Variants in RPS29 observed in about 807,000 individuals in gnomAD.
RPS29 encodes ribosomal protein S29, also known as small ribosomal subunit protein uS14.
For synonymous variants in RPS29, 37 were observed against 26.9 expected (o/e 1.37, Z -1.16); for missense variants, 60 against 75.7 (o/e 0.79, Z 0.77).
downstream of RPS29, among the ~76,000 whole-genome samples, chr14:49,582,568 G>A (rs1881371615): frequency 6.6e-6 from 1 of 152,158 alleles, no homozygotes; most frequent in Non-Finnish European, 1.5e-5. Flanking sequence ...AAATTCAATT[G>A]AGAAGTTTTC....
At chr14:49,581,210 A>G (rs758051027), downstream of RPS29, among the ~76,000 whole-genome samples, 7 of 152,138 alleles carry the variant, frequency 4.6e-5, no homozygotes, top group Non-Finnish European at 1.0e-4. Flanking sequence ...AGAAAAAAAA[A>G]TTGGCAAAGA....
In RPS29 at chr14:49,592,598, G is replaced by A. The variant is rs118088507; in HGVS notation, c.-133+5802C>T. Among the ~76,000 whole-genome samples the A allele has an allele frequency of 2.9e-3, 427 of 149,076 alleles. 6 individuals carry two copies. The East Asian group carries it at 0.036, about 13-fold the overall frequency. ...GTCAGGCTGGTCTTGAACCCCCGCC[G>A]GCCAAAAGTCTATGTATTAAAATTA... On this transcript the variant is annotated intron_variant, in intron 1 of 3. Transcript: ENST00000556230.
chr14:49,577,744 G>T, exon 3 of RPS29: 3 of 1,212,854 alleles, frequency 2.5e-6, no homozygotes, highest in African/African-American at 1.5e-5. Flanking sequence ...CAGTGAACTT[G>T]GTGCTCTTTT....
chr14:49,595,548 A>G (rs756116525), intron 1 of RPS29, among the ~76,000 whole-genome samples: 6 of 152,160 alleles, frequency 3.9e-5, no homozygotes, highest in Non-Finnish European at 8.8e-5. Flanking sequence ...TTGAGGTTGC[A>G]GTGAGCTATG....
rs200498992 is a variant in RPS29 at position 49,586,073 on chromosome 14, T to C, written c.63-24A>G. 6 of 1,599,230 alleles carry C rather than the reference T, an allele frequency of 3.8e-6. No individual in the cohort carries two copies. The Admixed American group carries it at 1.0e-4, about 27-fold the overall frequency. Reference sequence around the variant, plus strand: ...GACTGTAAGAAAAGAGACAGCGGTTTTGCAGGTCATAGAAATTACAAGACT... The same window carrying C: ...GACTGTAAGAAAAGAGACAGCGGTTCTGCAGGTCATAGAAATTACAAGACT... On this transcript the variant is annotated intron_variant, in intron 1 of 2. Transcript: ENST00000245458.
intron 1 of RPS29, among the ~76,000 whole-genome samples, chr14:49,591,626 T>TA (rs908005432): frequency 3.4e-5 from 5 of 146,536 alleles, no homozygotes; most frequent in African/African-American, 1.3e-4. Flanking sequence ...TTGATTTTTT[T>TA]TTTTTTTTTT....
At chr14:49,584,282 C>T (rs1327762694) in intron 2 of RPS29, among the ~76,000 whole-genome samples, 1 of 152,224 alleles carries the variant, frequency 6.6e-6, no homozygotes, top group Non-Finnish European at 1.5e-5. Context: ...TGGCCCAGTT[C>T]ATCTAGGACA....
intron 1 of RPS29, 35 bp downstream of exon 1, chr14:49,586,250 G>A (rs1403358784): frequency 1.9e-6 from 3 of 1,604,378 alleles, no homozygotes; most frequent in Admixed American, 1.7e-5. Context: ...GCGCTCCACG[G>A]CAACGCTTCC....
chr14:49,595,811 G>C (rs1409116696), intron 1 of RPS29, among the ~76,000 whole-genome samples: 1 of 152,110 alleles, frequency 6.6e-6, no homozygotes, highest in Non-Finnish European at 1.5e-5. Flanking sequence ...TCAGGAGTTC[G>C]AGACCAGCCT....
intron 2 of RPS29, chr14:49,585,727 G>A (rs1019463805): frequency 1.9e-6 from 1 of 536,278 alleles, no homozygotes; most frequent in Non-Finnish European, 3.3e-6. Flanking sequence ...GTAAAAAAGG[G>A]AGTAGGAAAG....
At chr14:49,582,294 C>G (rs1477561169), downstream of RPS29, among the ~76,000 whole-genome samples, 1 of 152,122 alleles carries the variant, frequency 6.6e-6, no homozygotes, top group Non-Finnish European at 1.5e-5. Context: ...GGATTCTCAT[C>G]TCACAATATC....
chr14:49,582,032 A>C (rs1362513046), downstream of RPS29, among the ~76,000 whole-genome samples: 3 of 136,950 alleles, frequency 2.2e-5, no homozygotes, highest in African/African-American at 7.7e-5. Flanking sequence ...AAAAAAAAAA[A>C]AACTTAGTGA....
intron 1 of RPS29, chr14:49,592,447 A>G (rs1281123124): frequency 6.9e-6 from 1 of 145,468 alleles, no homozygotes; most frequent in Non-Finnish European, 1.5e-5. Context: ...GCCTCACCTC[A>G]ACCTCTGTCT....
exon 3 of RPS29, chr14:49,573,697 T>C (rs1227952029): frequency 6.6e-6 from 1 of 152,222 alleles, no homozygotes; most frequent in Non-Finnish European, 1.5e-5. Flanking sequence ...GAGTGGACCA[T>C]CTTTATCTTT....
At position 49,585,955 on chromosome 14, in the gene RPS29, T is replaced by C. The variant is rs780291473; in HGVS notation, c.157A>G (p.Ile53Val). ...FRQYAKDIGF[I>V]KLD ...GTACGCCTGCAGACGCCTACCTTAA[T>C]GAAACCGATATCCTTCGCGTACTGA... is the stretch of plus-strand genomic sequence containing the variant. Residue 53 changes from isoleucine (I) to valine (V), a missense_variant, in exon 2 of 3, where the codon ATT (isoleucine) becomes GTT (valine). Transcript: ENST00000245458. 19 of 1,613,032 alleles carry C rather than the reference T, an allele frequency of 1.2e-5. No homozygotes were observed. In the Admixed American group the frequency reaches 2.5e-4, roughly 21 times the overall value.
chr14:49,579,193 G>T (rs1469995587), downstream of RPS29, among the ~76,000 whole-genome samples: 1 of 152,130 alleles, frequency 6.6e-6, no homozygotes, highest in Non-Finnish European at 1.5e-5. Flanking sequence ...GCCCAAGAAA[G>T]CTCATTTGCC....
chr14:49,586,585 G>A (rs1030773670), upstream of RPS29: 5 of 537,622 alleles, frequency 9.3e-6, no homozygotes, highest in Non-Finnish European at 1.3e-5. Context: ...CGACCGCCGG[G>A]CGCGGTGGCG....
At chr14:49,585,319 G>A (rs906697863) in intron 2 of RPS29, 1 of 149,252 alleles carries the variant, frequency 6.7e-6, no homozygotes, top group Non-Finnish European at 1.5e-5. Context: ...ACTGAGCGGA[G>A]ATCACGCCAT....
chr14:49,585,974 G>A lies in RPS29; in HGVS notation c.138C>T (p.Tyr46=). The A allele has an allele frequency of 1.9e-6, 3 of 1,613,696 alleles. No individual in the cohort carries two copies. Among genetic ancestry groups the A allele is most frequent in the Non-Finnish European group, 2.5e-6 (3 of 1,179,708 alleles). ...CCTTAATGAAACCGATATCCTTCGC[G>A]TACTGACGGAAACACTGGCGGCACA... ...LNMCRQCFRQ[Y]AKDIGFIKLD is the part of the protein sequence containing the mutation. Residue 46 remains tyrosine, a synonymous_variant, in exon 2 of 3, where the codon TAC becomes TAT. Coordinates refer to ENST00000245458, the MANE Select transcript of RPS29 (RefSeq NM_001032.5).
Sources: gnomAD v4.1 joint callset for allele counts (sites outside exome capture counted in the v4.1 genomes callset) on GRCh38, gnomAD v4.1.1 for gene constraint, MANE v1.5 for transcripts, NCBI Gene and HGNC (gene_info 2026-07-23, HGNC 2026-07-21) for gene names.